Variants in DAB1 observed in about 807,000 individuals in gnomAD.
The protein encoded by DAB1 is DAB adaptor protein 1.
In DAB1, 15 loss-of-function variants were observed where a neutral mutation model predicts 64.6. That is an observed-to-expected ratio of 0.23 (90% CI 0.16 to 0.36). The LOEUF is 0.36. Ranked by LOEUF, DAB1 falls within the 10% of genes least tolerant of loss-of-function variation. The pLI is 1.00. For missense variants in DAB1, 596 were observed against 706.7 expected, an observed-to-expected ratio of 0.84 and a Z score of 1.78; for synonymous variants, 235 against 251.9, an observed-to-expected ratio of 0.93 and a Z score of 0.64.
chr1:57,628,736 T>G (rs1645952992), intron 7 of DAB1, among the ~76,000 whole-genome samples: 1 of 152,214 alleles, frequency 6.6e-6, no homozygotes, highest in South Asian at 2.1e-4. Flanking sequence ...GCAACCCACA[T>G]TTCCTATTTT....
At chr1:58,397,862 C>T (rs936510569) in intron 3 of DAB1, among the ~76,000 whole-genome samples, 3 of 152,202 alleles carry the variant, frequency 2.0e-5, no homozygotes, top group Non-Finnish European at 4.4e-5. Flanking sequence ...ATAGTACCTA[C>T]CTCACTGCAT....
chr1:57,103,018 C>G (rs1342963115), intron 4 of DAB1, among the ~76,000 whole-genome samples: 1 of 152,064 alleles, frequency 6.6e-6, no homozygotes, highest in African/African-American at 2.4e-5. Context: ...ATGACTGGGT[C>G]TCAGAAACCC....
At chr1:57,809,691 T>A (rs1651526014) in intron 6 of DAB1, among the ~76,000 whole-genome samples, 1 of 152,154 alleles carries the variant, frequency 6.6e-6, no homozygotes, top group East Asian at 1.9e-4. Context: ...GAGTTGCAGA[T>A]GGGTTCTCCC....
intron 3 of DAB1, among the ~76,000 whole-genome samples, chr1:58,477,167 G>T (rs1003118398): frequency 2.6e-5 from 4 of 152,156 alleles, no homozygotes; most frequent in African/African-American, 9.7e-5. Flanking sequence ...ACGAGTAAAT[G>T]ATGCCATTTG....
At chr1:57,037,416 G>T (rs1302659701) in intron 9 of DAB1, among the ~76,000 whole-genome samples, 1 of 152,152 alleles carries the variant, frequency 6.6e-6, no homozygotes, top group Non-Finnish European at 1.5e-5. Flanking sequence ...GTAGCTTGGG[G>T]TGGACAGTTG....
At chr1:58,327,179 T>C (rs1338088523) in intron 4 of DAB1, among the ~76,000 whole-genome samples, 1 of 152,224 alleles carries the variant, frequency 6.6e-6, no homozygotes, top group Non-Finnish European at 1.5e-5. Context: ...AAAGTCTGTA[T>C]TTATCCTGTT....
intron 2 of DAB1, among the ~76,000 whole-genome samples, chr1:57,238,465 G>T (rs183572956): frequency 6.6e-6 from 1 of 152,194 alleles, no homozygotes; most frequent in Non-Finnish European, 1.5e-5. Flanking sequence ...CTATCTGTCC[G>T]TCTGATGAAG....
chr1:57,888,149 T>C (rs1229672265), upstream of DAB1, among the ~76,000 whole-genome samples: 1 of 152,190 alleles, frequency 6.6e-6, no homozygotes, highest in Non-Finnish European at 1.5e-5. Context: ...TGAAATGTTT[T>C]CTTTGAGGGG....
intron 4 of DAB1, among the ~76,000 whole-genome samples, chr1:58,172,623 C>G (rs1239442336): frequency 6.6e-6 from 1 of 152,174 alleles, no homozygotes; most frequent in African/African-American, 2.4e-5. Flanking sequence ...ACTTATGCCG[C>G]CCGAGATGAT....
At chr1:58,072,221 T>G (rs970973908) in intron 5 of DAB1, among the ~76,000 whole-genome samples, 4 of 152,194 alleles carry the variant, frequency 2.6e-5, no homozygotes, top group Admixed American at 2.0e-4. Context: ...TGATGCTTGT[T>G]AAAAACTTGA....
intron 6 of DAB1, among the ~76,000 whole-genome samples, chr1:57,781,256 C>T (rs1466003319): frequency 6.7e-6 from 1 of 150,082 alleles, no homozygotes; most frequent in Non-Finnish European, 1.5e-5. Context: ...TTTCCTATCA[C>T]ATAGATACAA....
At chr1:57,241,600 A>G (rs1668498805) in intron 2 of DAB1, among the ~76,000 whole-genome samples, 1 of 152,196 alleles carries the variant, frequency 6.6e-6, no homozygotes, top group Admixed American at 6.5e-5. Flanking sequence ...TGGTCAGCAT[A>G]TATCACTGTA....
At chr1:58,482,860 T>C (rs1645513571) in intron 3 of DAB1, among the ~76,000 whole-genome samples, 1 of 151,996 alleles carries the variant, frequency 6.6e-6, no homozygotes, top group Non-Finnish European at 1.5e-5. Flanking sequence ...CAGGAGCAGA[T>C]TATGTAGGAC....
intron 1 of DAB1, among the ~76,000 whole-genome samples, chr1:57,422,088 T>C (rs1403262907): frequency 6.6e-6 from 1 of 152,184 alleles, no homozygotes; most frequent in Non-Finnish European, 1.5e-5. Flanking sequence ...AGACCTATAA[T>C]TGGCACATAA....
intron 5 of DAB1, among the ~76,000 whole-genome samples, chr1:58,113,388 C>T (rs1164229207): frequency 6.6e-6 from 1 of 152,146 alleles, no homozygotes; most frequent in Non-Finnish European, 1.5e-5. Context: ...TTCCCGAATT[C>T]CTCCACTGAC....
intron 2 of DAB1, among the ~76,000 whole-genome samples, chr1:57,168,426 C>T (rs1306336597): frequency 6.6e-6 from 1 of 152,174 alleles, no homozygotes; most frequent in Non-Finnish European, 1.5e-5. Context: ...CCCATTTTCC[C>T]CTGCAAATGC....
At position 57,502,039 on chromosome 1, in the gene DAB1, G is replaced by A. The variant is rs185776421; in HGVS notation, n.625+147553C>T. 1.6e-4 allele frequency among the ~76,000 whole-genome samples: 25 copies of A among 152,110 alleles called. No homozygotes were observed. In the East Asian group the frequency reaches 4.6e-3, roughly 28 times the overall value. ...CTCAGGTCTTAAAATGAAAGAAACC[G>A]GCCGGTCGCGGTGGCTCACGCCTGA... On this transcript the variant is annotated intron_variant and non_coding_transcript_variant, in intron 7 of 20. Transcript: ENST00000485760.
intron 5 of DAB1, among the ~76,000 whole-genome samples, chr1:57,949,279 A>G (rs955943928): frequency 5.3e-5 from 8 of 152,266 alleles, no homozygotes; most frequent in Middle Eastern, 3.4e-3. Context: ...GCAGTTCACA[A>G]TAGGGTTTGT....
At chr1:58,488,086 T>C (rs1287550638) in intron 3 of DAB1, among the ~76,000 whole-genome samples, 1 of 152,182 alleles carries the variant, frequency 6.6e-6, no homozygotes, top group African/African-American at 2.4e-5. Context: ...TTTTCTAATA[T>C]AGACATTTAA....
Sources: gnomAD v4.1 joint callset for allele counts (sites outside exome capture counted in the v4.1 genomes callset) on GRCh38, gnomAD v4.1.1 for gene constraint, MANE v1.5 for transcripts, NCBI Gene and HGNC (gene_info 2026-07-23, HGNC 2026-07-21) for gene names.